The following EDEM2 variants were observed in gnomAD, a reference collection of about 807,000 sequenced individuals.
The protein encoded by EDEM2 is ER degradation enhancing alpha-mannosidase like protein 2.
EDEM2 carries 39 observed loss-of-function variants against 64.8 expected under a neutral mutation model. The ratio of observed to expected loss-of-function variants is 0.60; its 90% CI spans 0.47 to 0.79. EDEM2 has a LOEUF of 0.79. Among genes scored for constraint, EDEM2 ranks in the 30% least tolerant of loss-of-function variants. The pLI is 0.00. For synonymous variants in EDEM2, 296 were observed against 291.5 expected (o/e 1.02, Z -0.16); for missense variants, 609 against 731.3 (o/e 0.83, Z 1.93).
intron 3 of EDEM2, among the ~76,000 whole-genome samples, chr20:35,143,384 TG>T (rs2085684482): frequency 6.6e-6 from 1 of 152,192 alleles, no homozygotes; most frequent in African/African-American, 2.4e-5. Context: ...TCTGAAGTGA[TG>T]GCAGCTATGT....
chr20:35,131,813 CGGGAA>C, intron 6 of EDEM2, 30 bp from the exon 7 acceptor site: 1 of 1,604,898 alleles, frequency 6.2e-7, no homozygotes, highest in East Asian at 2.2e-5. Flanking sequence ...ACGGTCCCAA[CGGGAA>C]GGCCGATGGC....
intron 4 of EDEM2, among the ~76,000 whole-genome samples, chr20:35,138,882 C>A (rs1600715550): frequency 2.6e-5 from 4 of 152,216 alleles, no homozygotes; most frequent in African/African-American, 9.6e-5. Context: ...CCGCACCCGG[C>A]CTACTTAGAA....
At chr20:35,136,511 C>T (rs985378743) in intron 5 of EDEM2, among the ~76,000 whole-genome samples, 1 of 152,120 alleles carries the variant, frequency 6.6e-6, no homozygotes, top group Non-Finnish European at 1.5e-5. Flanking sequence ...AATCCCAACA[C>T]TTTGGGAGTC....
At chr20:35,115,959 C>T (rs2146082586) in intron 10 of EDEM2, 26 bp from the exon 11 acceptor site, 1 of 1,602,538 alleles carries the variant, frequency 6.2e-7, no homozygotes, top group African/African-American at 1.3e-5. Flanking sequence ...AGGAAGCAAG[C>T]TGGAACACCA....
At chr20:35,132,437 G>T (rs6120844) in intron 6 of EDEM2, among the ~76,000 whole-genome samples, 41,067 of 151,814 alleles carry the variant, frequency 0.27, 9,719 homozygotes, top group African/African-American at 0.64. Flanking sequence ...CAAAATCACT[G>T]GAGGTCAGAA....
At chr20:35,142,320 G>C in intron 4 of EDEM2, 53 bp downstream of exon 4, 2 of 1,449,642 alleles carry the variant, frequency 1.4e-6, no homozygotes, top group Non-Finnish European at 9.6e-7. Flanking sequence ...TTGGTTTACA[G>C]AGGCAACTTC....
intron 7 of EDEM2, among the ~76,000 whole-genome samples, chr20:35,127,802 C>T (rs1035802683): frequency 1.3e-5 from 2 of 152,100 alleles, no homozygotes; most frequent in African/African-American, 4.8e-5. Context: ...AGTCATGTGC[C>T]ATATAACAAC....
chr20:35,145,959 G>A (rs991393584), intron 2 of EDEM2, among the ~76,000 whole-genome samples: 13 of 133,976 alleles, frequency 9.7e-5, no homozygotes, highest in Middle Eastern at 5.3e-3. Context: ...CCAAGATCAC[G>A]CCATTGCACT....
chr20:35,115,984 T>C, intron 10 of EDEM2, 51 bp from the exon 11 acceptor site: 1 of 1,583,134 alleles, frequency 6.3e-7, no homozygotes, highest in South Asian at 1.2e-5. Flanking sequence ...AATTTAGTAG[T>C]AAGGGTCAGG....
At position 35,115,393 on chromosome 20, in the gene EDEM2, T is replaced by G; in HGVS notation, c.*40A>C. The G allele has an allele frequency of 1.3e-6, 2 of 1,579,964 alleles. No homozygotes were observed. The highest frequency in any genetic ancestry group is 1.7e-6 in the Non-Finnish European group (2 of 1,166,106). ...ATAGCCAAAAGCAATTTATTATAGT[T>G]TAGCCTCAAAAAAATAAAAATAAAA... On this transcript the variant is annotated 3_prime_UTR_variant, in exon 11 of 11. Coordinates refer to ENST00000374492, the MANE Select transcript of EDEM2 (RefSeq NM_018217.3).
At position 35,115,838 on chromosome 20, in the gene EDEM2, G is replaced by C. The variant is rs1043424436; in HGVS notation, c.1332C>G (p.Thr444=). 1 of 1,613,750 alleles carries C rather than the reference G, an allele frequency of 6.2e-7. No homozygotes were observed. The highest frequency in any genetic ancestry group is 1.3e-5 in the African/African-American group (1 of 74,606). The part of the protein sequence containing the change: ...VKYLYLLFDP[T]NFIHNNGSTF... The stretch of plus-strand genomic sequence containing the variant: ...TGGACCCATTGTTGTGGATGAAGTT[G>C]GTTGGGTCAAACAGGAGGTAGAGGT... The change falls in exon 11 of 11, where the codon ACC becomes ACG. Residue 444 remains threonine (T), a synonymous_variant. Coordinates refer to ENST00000374492, the MANE Select transcript of EDEM2 (RefSeq NM_018217.3).
chr20:35,121,713 G>A (rs1254422191), intron 9 of EDEM2, among the ~76,000 whole-genome samples: 2 of 152,150 alleles, frequency 1.3e-5, no homozygotes, highest in African/African-American at 4.8e-5. Context: ...TGAAAGAGTA[G>A]TCCTTATCTC....
At chr20:35,126,700 A>G (rs1191140747) in intron 7 of EDEM2, among the ~76,000 whole-genome samples, 1 of 151,972 alleles carries the variant, frequency 6.6e-6, no homozygotes, top group Non-Finnish European at 1.5e-5. Context: ...ATCACCTGAG[A>G]TTGGGAGTTC....
At chr20:35,141,169 A>G (rs2085649442) in intron 4 of EDEM2, among the ~76,000 whole-genome samples, 1 of 151,764 alleles carries the variant, frequency 6.6e-6, no homozygotes, top group Non-Finnish European at 1.5e-5. Context: ...AGAGCACAAT[A>G]CTGTAGAAAT....
rs147639867 is a variant in EDEM2, at chr20:35,142,381, T to A, written c.356A>T (p.Asn119Ile). The change falls in exon 4 of 11, where the codon AAC becomes ATC. Residue 119 changes from asparagine to isoleucine, a missense_variant. Transcript: ENST00000374492. ...IDVNASVFET[N>I]IRVVGGLLSA... is the part of the protein sequence containing the mutation. ...TAGAGAGCAGCCCTTACCTCGAATG[T>A]TTGTTTCAAACACAGAGGCGTTCAC... is the stretch of plus-strand genomic sequence containing the variant. 1.5e-5 allele frequency: 24 copies of A among 1,613,392 alleles called. No individual in the cohort carries two copies. The highest frequency in any genetic ancestry group is 1.9e-5 in the Non-Finnish European group (23 of 1,179,572).
At chr20:35,143,232 T>A (rs1600718915) in intron 3 of EDEM2, among the ~76,000 whole-genome samples, 1 of 152,330 alleles carries the variant, frequency 6.6e-6, no homozygotes, top group Middle Eastern at 3.4e-3. Context: ...TGCAGTTGAT[T>A]GTGTTACCCA....
chr20:35,147,191 G>A lies in EDEM2; in HGVS notation c.68C>T (p.Pro23Leu), dbSNP rs749856899. 1 of 1,603,854 alleles carries A rather than the reference G, an allele frequency of 6.2e-7. No homozygotes were observed. The highest frequency in any genetic ancestry group is 8.5e-7 in the Non-Finnish European group (1 of 1,173,924). ...ATCTGGCGCGGAGCCGTCGGGACCT[G>A]GCGCACCATGGTGCTGAGGCAGCAG... ...CALLPQHHGA[P>L]GPDGSAPDPA... The change falls in exon 1 of 11, where the codon CCA becomes CTA. Residue 23 changes from proline (P) to leucine (L), a missense_variant. By Grantham distance (98) the Pro-to-Leu change is moderately conservative. Transcript: ENST00000374492.
Position 35,115,649 on chromosome 20 carries a change from A to G in EDEM2, c.1521T>C (p.Ser507=), listed in dbSNP as rs2085299090. 1 of 1,613,990 alleles carries G rather than the reference A, an allele frequency of 6.2e-7. No individual in the cohort carries two copies. Among genetic ancestry groups the G allele is most frequent in the Non-Finnish European group, 8.5e-7 (1 of 1,180,032 alleles). Residue 507 remains serine (S), a synonymous_variant, in exon 11 of 11, where the codon TCT becomes TCC. Transcript: ENST00000374492. ...EVEDLMREFY[S]LKRSRSKFQK... is the part of the protein sequence containing the mutation. ...GAAATTTCGACCTGCTCCGTTTGAGAGAGTAGAATTCCCTCATCAAGTCCT... is the reference window on the plus strand; with the variant it reads ...GAAATTTCGACCTGCTCCGTTTGAGGGAGTAGAATTCCCTCATCAAGTCCT...
Position 35,115,424 on chromosome 20 carries a change from A to T in EDEM2, c.*9T>A. 1 of 1,601,858 alleles carries T rather than the reference A, an allele frequency of 6.2e-7. No homozygotes were observed. Among genetic ancestry groups the T allele is most frequent in the Non-Finnish European group, 8.5e-7 (1 of 1,174,994 alleles). ...TCAAAAAAATAAAAATAAAAAAATT[A>T]TCCAGTGGTTATGAGGAGTCTAGGA... On this transcript the variant is annotated 3_prime_UTR_variant, in exon 11 of 11. Transcript: ENST00000374492.
Sources: gnomAD v4.1 joint callset for allele counts (sites outside exome capture counted in the v4.1 genomes callset) on GRCh38, gnomAD v4.1.1 for gene constraint, MANE v1.5 for transcripts, NCBI Gene and HGNC (gene_info 2026-07-23, HGNC 2026-07-21) for gene names.